Variants in PPEF2 observed in about 807,000 individuals in gnomAD.
PPEF2 encodes protein phosphatase with EF-hand domain 2, also known as serine/threonine-protein phosphatase with EF-hands 2.
A neutral mutation model predicts 84.7 loss-of-function variants in PPEF2; 84 were observed. The ratio of observed to expected loss-of-function variants is 0.99; its 90% CI spans 0.83 to 1.19. The LOEUF (loss-of-function observed/expected upper bound fraction) is 1.19, where lower values mean the gene tolerates loss of function less well. PPEF2 is among the 50% of genes most tolerant of loss of function. The pLI, the probability that PPEF2 is intolerant of heterozygous loss-of-function variation, is 0.00. For synonymous variants in PPEF2, 346 were observed against 345.2 expected, an observed-to-expected ratio of 1.00 and a Z score of -0.03; for missense variants, 924 against 937.5, an observed-to-expected ratio of 0.99 and a Z score of 0.19.
chr4:75,879,264 G>A (rs1344284142), intron 10 of PPEF2, among the ~76,000 whole-genome samples: 1 of 152,140 alleles, frequency 6.6e-6, no homozygotes, highest in Non-Finnish European at 1.5e-5. Context: ...AAATTTGGAG[G>A]ATTTTATATT....
intron 16 of PPEF2, among the ~76,000 whole-genome samples, 186 bp from the exon 17 acceptor site, chr4:75,861,106 A>G (rs1446415529): frequency 6.6e-6 from 1 of 152,140 alleles, no homozygotes; most frequent in African/African-American, 2.4e-5. Flanking sequence ...TTCAGCTGGG[A>G]GTAATTGTGC....
At chr4:75,863,941 C>T (rs1023071885) in intron 16 of PPEF2, among the ~76,000 whole-genome samples, 160 of 151,252 alleles carry the variant, frequency 1.1e-3, no homozygotes, top group African/African-American at 3.7e-3. Context: ...GGCACGACCT[C>T]GGCTCACTGC....
chr4:75,888,348 G>T lies in PPEF2; in HGVS notation c.418-20C>A, dbSNP rs760892972. 2 of 1,565,778 alleles carry T rather than the reference G, an allele frequency of 1.3e-6. No individual in the cohort carries two copies. Among genetic ancestry groups the T allele is most frequent in the South Asian group, 2.2e-5 (2 of 90,020 alleles). Reference sequence around the variant, plus strand: ...GAGCTGCTACTGGGAGGAAGAGGAGGGAAGGAAGAAAACAACACTGATATT... The same window carrying T: ...GAGCTGCTACTGGGAGGAAGAGGAGTGAAGGAAGAAAACAACACTGATATT... On this transcript the variant is annotated intron_variant, in intron 5 of 16. Transcript: ENST00000286719.
At position 75,895,354 on chromosome 4, in the gene PPEF2, A is replaced by T. The variant is rs536867375; in HGVS notation, c.55+917T>A. Among the ~76,000 whole-genome samples the T allele has an allele frequency of 3.6e-4, 54 of 151,800 alleles. No homozygotes were observed. In the South Asian group the frequency reaches 7.7e-3, roughly 22 times the overall value. On this transcript the variant is annotated intron_variant, in intron 2 of 16. Transcript: ENST00000286719. Reference sequence around the variant, plus strand: ...TGAGGCAGGAGAATCGCTTGAACCCAGGAGGCGGAGGTTGCAGTGAGCCGA... The same window carrying T: ...TGAGGCAGGAGAATCGCTTGAACCCTGGAGGCGGAGGTTGCAGTGAGCCGA...
chr4:75,866,036 A>C (rs751155929), intron 15 of PPEF2, among the ~76,000 whole-genome samples, 153 bp downstream of exon 15: 2 of 152,232 alleles, frequency 1.3e-5, no homozygotes, highest in Non-Finnish European at 2.9e-5. Context: ...TTAACACAAA[A>C]GCCTGACACA....
intron 10 of PPEF2, among the ~76,000 whole-genome samples, chr4:75,877,762 ATAT>A (rs1015591525): frequency 2.6e-5 from 4 of 151,966 alleles, no homozygotes; most frequent in South Asian, 2.1e-4. Flanking sequence ...GTTGTTTTAC[ATAT>A]TATTTCATCA....
intron 10 of PPEF2, among the ~76,000 whole-genome samples, chr4:75,879,374 A>G (rs1317206353): frequency 6.6e-6 from 1 of 152,220 alleles, no homozygotes; most frequent in African/African-American, 2.4e-5. Context: ...AAATCTGTCC[A>G]GTTCTCATCT....
At chr4:75,878,798 T>A (rs1724493267) in intron 10 of PPEF2, among the ~76,000 whole-genome samples, 1 of 152,172 alleles carries the variant, frequency 6.6e-6, no homozygotes, top group Non-Finnish European at 1.5e-5. Flanking sequence ...TATATTTTTT[T>A]AGATGGAGTC....
chr4:75,881,934 G>GT (rs907095233), intron 10 of PPEF2: 1 of 152,188 alleles, frequency 6.6e-6, no homozygotes, highest in African/African-American at 2.4e-5. Flanking sequence ...ATTGTTCCCT[G>GT]TCTTTGGAAC....
intron 1 of PPEF2, among the ~76,000 whole-genome samples, chr4:75,898,455 G>A (rs1314264016): frequency 6.6e-6 from 1 of 152,156 alleles, no homozygotes; most frequent in East Asian, 1.9e-4. Context: ...TTTATTCATT[G>A]CTAAAGGCTC....
Position 75,872,081 on chromosome 4 carries a change from T to G in PPEF2, c.1593A>C (p.Pro531=). The G allele has an allele frequency of 6.2e-7, 1 of 1,613,928 alleles. No individual in the cohort carries two copies. Among genetic ancestry groups the G allele is most frequent in the Non-Finnish European group, 8.5e-7 (1 of 1,179,846 alleles). The part of the protein sequence containing the change: ...AYVKLGPALT[P]HIVQYQANKV... ...TGTTAGCTTGATACTGCACAATATGTGGGGTCAGGGCTGGCCCCAGTTTGA... is the reference window on the plus strand; with the variant it reads ...TGTTAGCTTGATACTGCACAATATGGGGGGTCAGGGCTGGCCCCAGTTTGA... The change falls in exon 13 of 17, where the codon CCA becomes CCC. Residue 531 remains proline, a synonymous_variant. Coordinates refer to ENST00000286719, the MANE Select transcript of PPEF2 (RefSeq NM_006239.3).
At position 75,867,411 on chromosome 4, in the gene PPEF2, C is replaced by G; in HGVS notation, c.1658G>C (p.Arg553Thr). 1 of 1,612,542 alleles carries G rather than the reference C, an allele frequency of 6.2e-7. No homozygotes were observed. Among genetic ancestry groups the G allele is most frequent in the Non-Finnish European group, 8.5e-7 (1 of 1,178,952 alleles). The change falls in exon 14 of 17, where the codon AGA becomes ACA. Residue 553 changes from arginine to threonine, a missense_variant. Arg to Thr is a moderately conservative substitution (Grantham distance 71). Coordinates refer to ENST00000286719, the MANE Select transcript of PPEF2 (RefSeq NM_006239.3). ...HTLTMRQRIS[R>T]VEESALRALR... is the part of the protein sequence containing the mutation. ...AGCTCTCAGAGCCGACTCCTCCACT[C>G]TGCTAATCCTGGGACAGGAGATGAA...
chr4:75,886,158 C>T (rs1724716321), intron 7 of PPEF2, among the ~76,000 whole-genome samples: 1 of 152,218 alleles, frequency 6.6e-6, no homozygotes, highest in Admixed American at 6.5e-5. Context: ...GACAAAGCTA[C>T]CCTCTGTGGG....
chr4:75,887,395 G>T (rs887018481), intron 6 of PPEF2, among the ~76,000 whole-genome samples: 2 of 152,192 alleles, frequency 1.3e-5, no homozygotes, highest in African/African-American at 4.8e-5. Context: ...GCTGAGACGG[G>T]CGGATCACGA....
At position 75,864,502 on chromosome 4, in the gene PPEF2, G is replaced by A. The variant is rs1287617728; in HGVS notation, c.1946C>T (p.Thr649Ile). The part of the protein sequence containing the change: ...RENIQSSLLE[T>I]LYRNRSNLET... Reference sequence around the variant, plus strand: ...TAGGTTGGATCGGTTTCGATACAATGTTTCCAGCAAACTTGATTGTATGTT... The same window carrying A: ...TAGGTTGGATCGGTTTCGATACAATATTTCCAGCAAACTTGATTGTATGTT... Residue 649 changes from threonine (T) to isoleucine (I), a missense_variant, in exon 16 of 17, where the codon ACA becomes ATA. By Grantham distance (89) the Thr-to-Ile change is moderately conservative. Transcript: ENST00000286719. The A allele has an allele frequency of 3.7e-5, 60 of 1,612,732 alleles. No individual in the cohort carries two copies. Among genetic ancestry groups the A allele is most frequent in the Non-Finnish European group, 5.1e-5 (60 of 1,178,910 alleles).
At chr4:75,861,566 T>C (rs902689384) in intron 16 of PPEF2, among the ~76,000 whole-genome samples, 1 of 142,562 alleles carries the variant, frequency 7.0e-6, no homozygotes, top group Non-Finnish European at 1.5e-5. Context: ...CTAAAACTCT[T>C]AGAAGCAAAC....
rs1172951497 is a variant in PPEF2 at position 75,882,907 on chromosome 4, T to G, written c.933+19A>C. 1 of 1,596,000 alleles carries G rather than the reference T, an allele frequency of 6.3e-7. No homozygotes were observed. Among genetic ancestry groups the G allele is most frequent in the African/African-American group, 1.3e-5 (1 of 74,074 alleles). ...ACTGGGCATTATGGTGAAATTTGTATTATTTCATTAACCACTACCTTGCTC... is the reference window on the plus strand; with the variant it reads ...ACTGGGCATTATGGTGAAATTTGTAGTATTTCATTAACCACTACCTTGCTC... On this transcript the variant is annotated intron_variant, in intron 10 of 16. Transcript: ENST00000286719.
At chr4:75,888,414 C>G in intron 5 of PPEF2, 86 bp from the exon 6 acceptor site, 3 of 986,562 alleles carry the variant, frequency 3.0e-6, no homozygotes, top group Non-Finnish European at 1.6e-6. Flanking sequence ...CTTAACAACC[C>G]CCATCACCTA....
intron 2 of PPEF2, among the ~76,000 whole-genome samples, chr4:75,892,397 T>C (rs901128941): frequency 4.6e-5 from 7 of 152,142 alleles, no homozygotes; most frequent in African/African-American, 1.7e-4. Context: ...AGACTGGATG[T>C]CAGGACACCT....
Sources: allele counts gnomAD v4.1 joint callset (sites outside exome capture counted in the v4.1 genomes callset), GRCh38; gene constraint gnomAD v4.1.1; transcripts MANE v1.5; gene names NCBI Gene and HGNC (gene_info 2026-07-23, HGNC 2026-07-21).